The following ESRRG variants were observed in gnomAD, a reference collection of about 807,000 sequenced individuals.
The protein encoded by ESRRG is estrogen-related receptor gamma.
In ESRRG, 13 loss-of-function variants were observed where a neutral mutation model predicts 44.0. The ratio of observed to expected loss-of-function variants is 0.30; its 90% CI spans 0.19 to 0.47. The LOEUF (loss-of-function observed/expected upper bound fraction) is 0.47. ESRRG is among the 20% of genes least tolerant of loss of function. The pLI is 1.00. For synonymous variants in ESRRG, 215 were observed against 214.6 expected, an observed-to-expected ratio of 1.00 and a Z score of -0.02; for missense variants, 395 against 580.6, an observed-to-expected ratio of 0.68 and a Z score of 3.29.
At chr1:216,993,750 T>G (rs779298534) in intron 1 of ESRRG, among the ~76,000 whole-genome samples, 2 of 152,134 alleles carry the variant, frequency 1.3e-5, no homozygotes, top group African/African-American at 2.4e-5. Flanking sequence ...AAATATTGGG[T>G]AGAGATTGCG....
chr1:217,101,448 T>A (rs909946517), intron 1 of ESRRG, among the ~76,000 whole-genome samples: 4 of 152,216 alleles, frequency 2.6e-5, no homozygotes, highest in African/African-American at 9.7e-5. Context: ...TAATTCTAGG[T>A]CAGAAATCTC....
chr1:216,614,102 A>T (rs1241066907), intron 3 of ESRRG, among the ~76,000 whole-genome samples: 1 of 152,194 alleles, frequency 6.6e-6, no homozygotes, highest in Non-Finnish European at 1.5e-5. Context: ...TTATGCTTTC[A>T]TCTAGCTGAC....
At chr1:216,747,502 C>A (rs934828885) in intron 2 of ESRRG, among the ~76,000 whole-genome samples, 4 of 152,132 alleles carry the variant, frequency 2.6e-5, no homozygotes, top group Non-Finnish European at 4.4e-5. Context: ...CTATGCCCAG[C>A]AACACAGCTT....
intron 1 of ESRRG, among the ~76,000 whole-genome samples, chr1:216,986,231 T>G (rs1028409244): frequency 6.6e-6 from 1 of 152,304 alleles, no homozygotes; most frequent in East Asian, 1.9e-4. Flanking sequence ...GTTTCATAGT[T>G]TATATTTAGG....
chr1:216,646,686 T>G (rs915149697), intron 3 of ESRRG, among the ~76,000 whole-genome samples: 2 of 152,182 alleles, frequency 1.3e-5, no homozygotes, highest in African/African-American at 2.4e-5. Flanking sequence ...AACATGTTGT[T>G]TGCAAATACT....
intron 2 of ESRRG, among the ~76,000 whole-genome samples, chr1:216,823,532 T>G (rs2095337489): frequency 6.6e-6 from 1 of 152,186 alleles, no homozygotes; most frequent in Non-Finnish European, 1.5e-5. Context: ...ACTGCTTGGA[T>G]ATGGGTTTCC....
intron 2 of ESRRG, among the ~76,000 whole-genome samples, chr1:216,794,650 C>T (rs141477815): frequency 1.3e-5 from 2 of 152,276 alleles, no homozygotes; most frequent in African/African-American, 4.8e-5. Context: ...CTTTCCTAGA[C>T]AATGATCTCC....
intron 2 of ESRRG, among the ~76,000 whole-genome samples, chr1:216,835,706 G>T (rs1330805967): frequency 6.6e-6 from 1 of 152,120 alleles, no homozygotes; most frequent in Non-Finnish European, 1.5e-5. Flanking sequence ...CAATGGAAAA[G>T]AACTGCCAAT....
At chr1:216,945,562 T>C (rs1342195915) in intron 1 of ESRRG, among the ~76,000 whole-genome samples, 1 of 152,216 alleles carries the variant, frequency 6.6e-6, no homozygotes, top group African/African-American at 2.4e-5. Context: ...TTTTCTACAG[T>C]AGATCACACA....
At chr1:216,694,632 C>T (rs2079750368) in intron 1 of ESRRG, among the ~76,000 whole-genome samples, 1 of 152,004 alleles carries the variant, frequency 6.6e-6, no homozygotes, top group South Asian at 2.1e-4. Context: ...TCAGAGCTTA[C>T]TGAAGCCTCT....
At chr1:216,746,081 G>A (rs116425983) in intron 2 of ESRRG, among the ~76,000 whole-genome samples, 189 of 152,268 alleles carry the variant, frequency 1.2e-3, no homozygotes, top group Non-Finnish European at 2.0e-3. Context: ...AATAATAACA[G>A]CCTTCTTTTA....
chr1:216,768,626 A>G (rs995536153), intron 2 of ESRRG, among the ~76,000 whole-genome samples: 1 of 152,068 alleles, frequency 6.6e-6, no homozygotes, highest in Non-Finnish European at 1.5e-5. Context: ...AGTAGCTAGG[A>G]CTACTGGCAT....
chr1:216,737,777 TA>T (rs71817414), intron 2 of ESRRG, among the ~76,000 whole-genome samples: 84,115 of 147,570 alleles, frequency 0.57, 24,285 homozygotes, highest in East Asian at 0.73. Flanking sequence ...AAGAAGGGAT[TA>T]AAAAAAAAAA....
intron 2 of ESRRG, among the ~76,000 whole-genome samples, chr1:216,924,089 G>A (rs572056589): frequency 6.6e-6 from 1 of 152,318 alleles, no homozygotes; most frequent in East Asian, 1.9e-4. Context: ...CGAGGAGTGA[G>A]CAAGTGGATC....
chr1:216,800,884 G>T (rs916240301), intron 2 of ESRRG, among the ~76,000 whole-genome samples: 3 of 152,072 alleles, frequency 2.0e-5, no homozygotes, highest in Non-Finnish European at 4.4e-5. Flanking sequence ...GGGTTTGAAG[G>T]TATTAACATA....
At chr1:216,798,715 A>T (rs1172541772) in intron 2 of ESRRG, among the ~76,000 whole-genome samples, 2 of 152,134 alleles carry the variant, frequency 1.3e-5, no homozygotes, top group African/African-American at 4.8e-5. Context: ...GTGATAGAGA[A>T]AATTGAACAG....
At chr1:216,521,537 C>T (rs1196857130) in intron 5 of ESRRG, among the ~76,000 whole-genome samples, 1 of 152,042 alleles carries the variant, frequency 6.6e-6, no homozygotes, top group Non-Finnish European at 1.5e-5. Context: ...CCTTTTCATG[C>T]TCCCAAGTCG....
intron 2 of ESRRG, among the ~76,000 whole-genome samples, chr1:216,670,323 T>A (rs1176405027): frequency 5.3e-5 from 8 of 152,254 alleles, no homozygotes; most frequent in Admixed American, 2.0e-4. Flanking sequence ...AAGCAGTTGA[T>A]TGCATCAGAT....
intron 2 of ESRRG, among the ~76,000 whole-genome samples, chr1:216,926,500 T>C (rs2062603875): frequency 1.3e-5 from 2 of 152,012 alleles, no homozygotes; most frequent in Non-Finnish European, 2.9e-5. Context: ...GACCAAATGG[T>C]TTGGCAATAT....
Sources: allele counts gnomAD v4.1 joint callset (sites outside exome capture counted in the v4.1 genomes callset), GRCh38; gene constraint gnomAD v4.1.1; transcripts MANE v1.5; gene names NCBI Gene and HGNC (gene_info 2026-07-23, HGNC 2026-07-21).